Variants in TMEM178B observed in about 807,000 individuals in gnomAD.
The protein encoded by TMEM178B is transmembrane protein 178B.
Under a neutral mutation model 31.0 loss-of-function variants are expected in TMEM178B, and 5 were observed. The observed-to-expected ratio is 0.16, with a 90% CI of 0.08 to 0.34. TMEM178B has a LOEUF of 0.34. TMEM178B is among the 10% of genes least tolerant of loss of function. The pLI is 1.00. For synonymous variants in TMEM178B, 164 were observed against 164.0 expected (o/e 1.00, Z 0.00); for missense variants, 275 against 400.3 (o/e 0.69, Z 2.67).
intron 2 of TMEM178B, among the ~76,000 whole-genome samples, chr7:141,322,252 C>T (rs566196215): frequency 6.6e-6 from 1 of 151,876 alleles, no homozygotes; most frequent in African/African-American, 2.4e-5. Context: ...GTAGGCAGGG[C>T]CTGGTGGCTC....
Position 141,344,079 on chromosome 7 carries a change from A to G in TMEM178B, c.497-93529A>G, listed in dbSNP as rs1799566553. Among the ~76,000 whole-genome samples, 1 of 152,202 alleles carries G rather than the reference A, an allele frequency of 6.6e-6. No homozygotes were observed. On this transcript the variant is annotated intron_variant, in intron 2 of 3. Coordinates refer to ENST00000565468, the MANE Select transcript of TMEM178B (RefSeq NM_001195278.2). This position sits in a 1 kb window ranked among gnomAD's most constrained non-coding sequence, Gnocchi z 4.1. ...GGAGTATATGAGATATTGGCTCCTC[A>G]CTATATGCTGATCTAAAATTCTCTG... is the stretch of plus-strand genomic sequence containing the variant.
intron 1 of TMEM178B, among the ~76,000 whole-genome samples, chr7:141,151,395 G>A (rs1483784089): frequency 6.6e-6 from 1 of 152,150 alleles, no homozygotes; most frequent in Non-Finnish European, 1.5e-5. Context: ...TAAGTGGCTT[G>A]GCCAGGATTA....
intron 2 of TMEM178B, among the ~76,000 whole-genome samples, chr7:141,284,205 G>A (rs948755183): frequency 2.6e-5 from 4 of 152,158 alleles, no homozygotes; most frequent in Non-Finnish European, 5.9e-5. Context: ...CACGCGATTC[G>A]GGAGTTGAGC....
In TMEM178B at chr7:141,356,316, C is replaced by G. The variant is rs116722731; in HGVS notation, c.497-81292C>G. ...CAAACTGCTTTCCACAGTGACTGAA[C>G]GAGTTTACATTCCCACAAATAGTGT... On this transcript the variant is annotated intron_variant, in intron 2 of 3. Transcript: ENST00000565468. Among the ~76,000 whole-genome samples, 713 of 151,818 alleles carry G rather than the reference C, an allele frequency of 4.7e-3. 7 individuals are homozygous for G. Among genetic ancestry groups the G allele is most frequent in the African/African-American group, 0.017 (687 of 41,398 alleles).
chr7:141,301,540 T>G (rs1206119307), intron 2 of TMEM178B, among the ~76,000 whole-genome samples: 1 of 152,156 alleles, frequency 6.6e-6, no homozygotes, highest in Non-Finnish European at 1.5e-5. Flanking sequence ...TGCAGAAAGA[T>G]TGTGATGGAA....
intron 1 of TMEM178B, among the ~76,000 whole-genome samples, chr7:141,083,519 C>CAGAG (rs1794725212): frequency 6.6e-6 from 1 of 151,492 alleles, no homozygotes; most frequent in Non-Finnish European, 1.5e-5. Context: ...GACAGACAGA[C>CAGAG]AGACAGACAG....
At chr7:141,470,289 C>T (rs1019878181) in intron 3 of TMEM178B, among the ~76,000 whole-genome samples, 10 of 152,220 alleles carry the variant, frequency 6.6e-5, no homozygotes, top group Middle Eastern at 3.4e-3. Context: ...AGAGACTTCC[C>T]GAGTGTGTCC....
chr7:141,311,182 G>A (rs996139893), intron 2 of TMEM178B, among the ~76,000 whole-genome samples: 3 of 152,282 alleles, frequency 2.0e-5, no homozygotes, highest in Admixed American at 6.5e-5. Context: ...GGGATAACTA[G>A]CCAATGCATG....
intron 2 of TMEM178B, among the ~76,000 whole-genome samples, chr7:141,276,431 G>A (rs1798267571): frequency 1.3e-5 from 2 of 152,240 alleles, no homozygotes; most frequent in South Asian, 4.1e-4. Flanking sequence ...CATGGATGGG[G>A]AGGCCTCAGG....
At chr7:141,288,523 TAGAA>T (rs769427763) in intron 2 of TMEM178B, among the ~76,000 whole-genome samples, 2 of 151,794 alleles carry the variant, frequency 1.3e-5, no homozygotes, top group Non-Finnish European at 2.9e-5. Flanking sequence ...GAAAAAATGA[TAGAA>T]AGAAAAACCC....
At position 141,409,968 on chromosome 7, in the gene TMEM178B, C is replaced by T. The variant is rs528390160; in HGVS notation, c.497-27640C>T. On this transcript the variant is annotated intron_variant, in intron 2 of 3. Coordinates refer to ENST00000565468, the MANE Select transcript of TMEM178B (RefSeq NM_001195278.2). ...GCTGAGCCCCGGGTGACATATGTATCTTGGAGCCATCTCTTTGTCTTTGCT... is the reference window on the plus strand; with the variant it reads ...GCTGAGCCCCGGGTGACATATGTATTTTGGAGCCATCTCTTTGTCTTTGCT... Among the ~76,000 whole-genome samples the T allele has an allele frequency of 4.6e-5, 7 of 152,296 alleles. No homozygotes were observed. In the East Asian group the frequency reaches 5.8e-4, roughly 13 times the overall value.
chr7:141,350,372 T>C (rs149981463), intron 2 of TMEM178B, among the ~76,000 whole-genome samples: 1 of 152,138 alleles, frequency 6.6e-6, no homozygotes, highest in Non-Finnish European at 1.5e-5. Context: ...TTATTTGTAT[T>C]TTATCTTCCC....
chr7:141,252,454 C>T (rs189177716), intron 2 of TMEM178B, among the ~76,000 whole-genome samples: 90 of 152,284 alleles, frequency 5.9e-4, no homozygotes, highest in African/African-American at 2.1e-3. Flanking sequence ...TCTTCGATAA[C>T]CCCAAGGGAA....
intron 2 of TMEM178B, among the ~76,000 whole-genome samples, chr7:141,227,194 A>G (rs1797359139): frequency 6.6e-6 from 1 of 152,220 alleles, no homozygotes; most frequent in Non-Finnish European, 1.5e-5. Flanking sequence ...GGTAAACAAA[A>G]TGCTTTTGGC....
the TMEM178B span, among the ~76,000 whole-genome samples, chr7:141,501,351 G>A: frequency 6.6e-6 from 1 of 151,160 alleles, no homozygotes; most frequent in Non-Finnish European, 1.5e-5. Flanking sequence ...TCAGTCAACA[G>A]AGCACGTACT....
chr7:141,295,467 G>A (rs769547146), intron 2 of TMEM178B, among the ~76,000 whole-genome samples: 33 of 152,114 alleles, frequency 2.2e-4, no homozygotes, highest in Non-Finnish European at 2.5e-4. Context: ...GGCCTGCTGT[G>A]ATATACTCCC....
At chr7:141,485,518 G>A in the TMEM178B span, among the ~76,000 whole-genome samples, 4 of 152,186 alleles carry the variant, frequency 2.6e-5, no homozygotes, top group South Asian at 2.1e-4. Flanking sequence ...ACACTGCTTA[G>A]CATATTAGTA....
chr7:141,239,403 T>G (rs537235848), intron 2 of TMEM178B, among the ~76,000 whole-genome samples: 179 of 152,290 alleles, frequency 1.2e-3, no homozygotes, highest in Middle Eastern at 6.8e-3. Flanking sequence ...GGACCTGGGA[T>G]AGCCCTTCAG....
At chr7:141,089,289 C>T (rs1794840290) in intron 1 of TMEM178B, among the ~76,000 whole-genome samples, 3 of 152,156 alleles carry the variant, frequency 2.0e-5, no homozygotes, top group African/African-American at 7.2e-5. Flanking sequence ...AAGGGATTAG[C>T]AGGCACTGGA....
Sources: allele counts gnomAD v4.1 joint callset (sites outside exome capture counted in the v4.1 genomes callset), GRCh38; gene constraint gnomAD v4.1.1; non-coding constraint Gnocchi (gnomAD v3.1); transcripts MANE v1.5; gene names NCBI Gene and HGNC (gene_info 2026-07-23, HGNC 2026-07-21).